The following CLNK variants were observed in gnomAD, a reference collection of about 807,000 sequenced individuals.
The protein encoded by CLNK is cytokine-dependent hematopoietic cell linker.
In CLNK, 74 loss-of-function variants were observed where a neutral mutation model predicts 68.6. That is an observed-to-expected ratio of 1.08 (90% CI 0.89 to 1.31). The LOEUF (loss-of-function observed/expected upper bound fraction) is 1.31. CLNK is among the 50% of genes most tolerant of loss of function. The pLI, the probability that CLNK is intolerant of heterozygous loss-of-function variation, is 0.00. For missense variants in CLNK, 553 were observed against 515.3 expected (o/e 1.07, Z -0.71); for synonymous variants, 198 against 172.2 (o/e 1.15, Z -1.17).
chr4:10,574,638 C>T (rs1720484345), intron 4 of CLNK, among the ~76,000 whole-genome samples: 1 of 152,138 alleles, frequency 6.6e-6, no homozygotes, highest in Non-Finnish European at 1.5e-5. Context: ...AGGGAGGAGA[C>T]CACCCCTCAT....
At chr4:10,564,112 T>TTG (rs1395189506) in intron 7 of CLNK, among the ~76,000 whole-genome samples, 1 of 151,674 alleles carries the variant, frequency 6.6e-6, no homozygotes, top group African/African-American at 2.4e-5. Flanking sequence ...TTCTTTTTTT[T>TTG]TTTTTTTGAG....
chr4:10,663,906 T>C (rs1316206748), intron 2 of CLNK, among the ~76,000 whole-genome samples: 1 of 152,198 alleles, frequency 6.6e-6, no homozygotes, highest in African/African-American at 2.4e-5. Flanking sequence ...TTCTTTACCA[T>C]GTGAAGACAC....
At chr4:10,498,496 T>C (rs1349273120) in intron 18 of CLNK, among the ~76,000 whole-genome samples, 1 of 151,752 alleles carries the variant, frequency 6.6e-6, no homozygotes, top group Non-Finnish European at 1.5e-5. Context: ...CGTCTCAAAA[T>C]AAAATAAAAT....
intron 13 of CLNK, among the ~76,000 whole-genome samples, chr4:10,527,020 G>A (rs1361611779): frequency 2.0e-5 from 3 of 152,180 alleles, no homozygotes; most frequent in African/African-American, 7.2e-5. Context: ...GGATACCTTT[G>A]ATCGAAGGAC....
intron 5 of CLNK, 110 bp from the exon 6 acceptor site, chr4:10,566,260 A>ATAT: frequency 9.7e-7 from 1 of 1,032,440 alleles, no homozygotes; most frequent in Non-Finnish European, 1.4e-6. Flanking sequence ...TGCAAGTTAA[A>ATAT]TATTTAAGAA....
chr4:10,520,062 C>A (rs1002497825), intron 15 of CLNK, among the ~76,000 whole-genome samples: 30 of 149,414 alleles, frequency 2.0e-4, no homozygotes, highest in Non-Finnish European at 3.8e-4. Context: ...TTTGGCTCAA[C>A]AAAGAGAGAT....
At chr4:10,629,275 T>G (rs1200888048) in intron 2 of CLNK, among the ~76,000 whole-genome samples, 1 of 152,230 alleles carries the variant, frequency 6.6e-6, no homozygotes, top group Admixed American at 6.5e-5. Flanking sequence ...CTTCAGAGGA[T>G]GAAGGAGAAA....
chr4:10,647,514 C>T (rs1312337874), intron 2 of CLNK, among the ~76,000 whole-genome samples: 1 of 152,090 alleles, frequency 6.6e-6, no homozygotes. Context: ...GAATTTAAGA[C>T]ATAGCTTTTT....
intron 2 of CLNK, among the ~76,000 whole-genome samples, chr4:10,667,414 G>T (rs1724442257): frequency 1.8e-5 from 2 of 108,730 alleles, no homozygotes; most frequent in South Asian, 3.0e-4. Context: ...ATCAGGGATG[G>T]CATTTTTTTT....
rs1250463352 is a variant in CLNK, at chr4:10,624,250, A to C, written c.12-26201T>G. ...CAGTAGATATTTCATGAAGATAAGCAAGATAACCTCCAGCCATGTTAAACA... is the reference window on the plus strand; with the variant it reads ...CAGTAGATATTTCATGAAGATAAGCCAGATAACCTCCAGCCATGTTAAACA... On this transcript the variant is annotated intron_variant, in intron 2 of 18. Coordinates refer to ENST00000226951, the MANE Select transcript of CLNK (RefSeq NM_052964.4). Among the ~76,000 whole-genome samples, 3 of 152,350 alleles carry C rather than the reference A, an allele frequency of 2.0e-5. No individual in the cohort carries two copies. The East Asian group carries it at 5.8e-4, about 29-fold the overall frequency.
chr4:10,725,242 A>C, the CLNK span, among the ~76,000 whole-genome samples: 4 of 152,112 alleles, frequency 2.6e-5, no homozygotes, highest in Non-Finnish European at 5.9e-5. Context: ...TGACTGGAGC[A>C]CACCCTTTCC....
intron 18 of CLNK, among the ~76,000 whole-genome samples, chr4:10,498,216 G>C (rs1716891883): frequency 6.6e-6 from 1 of 151,946 alleles, no homozygotes; most frequent in South Asian, 2.1e-4. Flanking sequence ...AATAAGCTGG[G>C]TGCTGTGGCT....
chr4:10,622,912 C>G (rs1722516244), intron 2 of CLNK, among the ~76,000 whole-genome samples: 1 of 152,116 alleles, frequency 6.6e-6, no homozygotes, highest in East Asian at 1.9e-4. Flanking sequence ...AGAGGGAGCT[C>G]TGGCCCCTTC....
chr4:10,585,408 G>A (rs1268208469), intron 3 of CLNK, among the ~76,000 whole-genome samples: 2 of 152,226 alleles, frequency 1.3e-5, no homozygotes, highest in African/African-American at 4.8e-5. Context: ...CCAATCAAAT[G>A]TAGCCAACTG....
chr4:10,712,045 G>T, the CLNK span, among the ~76,000 whole-genome samples: 7 of 152,182 alleles, frequency 4.6e-5, no homozygotes, highest in African/African-American at 1.2e-4. Flanking sequence ...TTCAAAGTAG[G>T]TGATCAAAAG....
At chr4:10,665,394 G>A (rs190625381) in intron 2 of CLNK, among the ~76,000 whole-genome samples, 4 of 152,246 alleles carry the variant, frequency 2.6e-5, no homozygotes, top group South Asian at 2.1e-4. Flanking sequence ...AGTCGGGCGC[G>A]GTGGCTCACG....
chr4:10,692,522 C>T, the CLNK span, among the ~76,000 whole-genome samples: 45 of 152,284 alleles, frequency 3.0e-4, no homozygotes, highest in African/African-American at 1.0e-3. Context: ...TGGTCAGATC[C>T]ACTCATGGAA....
At chr4:10,530,855 G>T (rs762683625) in intron 12 of CLNK, among the ~76,000 whole-genome samples, 1 of 152,172 alleles carries the variant, frequency 6.6e-6, no homozygotes, top group Non-Finnish European at 1.5e-5. Flanking sequence ...CCTTCCAGGT[G>T]ACACTAAGGA....
intron 8 of CLNK, among the ~76,000 whole-genome samples, chr4:10,543,082 CTG>C (rs1219712464): frequency 2.0e-5 from 3 of 152,128 alleles, no homozygotes; most frequent in Non-Finnish European, 2.9e-5. Flanking sequence ...GCTTCTGGCT[CTG>C]GGGATGTGAC....
Sources: allele counts gnomAD v4.1 joint callset (sites outside exome capture counted in the v4.1 genomes callset), GRCh38; gene constraint gnomAD v4.1.1; transcripts MANE v1.5; gene names NCBI Gene and HGNC (gene_info 2026-07-23, HGNC 2026-07-21).